The following RASGEF1A variants were observed in gnomAD, a reference collection of about 807,000 sequenced individuals.
RASGEF1A encodes ras-GEF domain-containing family member 1A.
Under a neutral mutation model 56.4 loss-of-function variants are expected in RASGEF1A, and 18 were observed. The ratio of observed to expected loss-of-function variants is 0.32; its 90% CI spans 0.22 to 0.47. The LOEUF (loss-of-function observed/expected upper bound fraction) is 0.47. Among genes scored for constraint, RASGEF1A ranks in the 20% least tolerant of loss-of-function variants. The pLI is 1.00. For missense variants in RASGEF1A, 422 were observed against 627.1 expected (o/e 0.67, Z 3.49); for synonymous variants, 245 against 242.6 (o/e 1.01, Z -0.09).
intron 1 of RASGEF1A, among the ~76,000 whole-genome samples, chr10:43,251,631 G>C (rs1276136215): frequency 2.6e-5 from 4 of 152,180 alleles, no homozygotes; most frequent in African/African-American, 9.7e-5. Context: ...GCAGTCAGGG[G>C]TGGCACAGTC....
rs748323851 is a variant in RASGEF1A at position 43,198,108 on chromosome 10, G to A, written c.1120C>T (p.Arg374Cys). Residue 374 changes from arginine to cysteine, a missense_variant, in exon 10 of 13, where the codon CGT (arginine) becomes TGT (cysteine). Around this residue, in one of 2 missense-constraint regions of RASGEF1A, gnomAD observed 149 missense variants for 287.2 expected, o/e 0.52. Transcript: ENST00000395810. ...AACACAGGGATGACGATCTTTTCAC[G>A]GCTGCTGTTGGCCATCTGGGACCTC... ...TQRSQMANSS[R>C]EKIVIPVFNL... 1.1e-5 allele frequency: 17 copies of A among 1,614,038 alleles called. No homozygotes were observed. The highest frequency in any genetic ancestry group is 2.2e-5 in the East Asian group (1 of 44,898).
At chr10:43,197,759 A>C (rs1839823383) in intron 10 of RASGEF1A, among the ~76,000 whole-genome samples, 1 of 152,146 alleles carries the variant, frequency 6.6e-6, no homozygotes, top group African/African-American at 2.4e-5. Flanking sequence ...CTGGATAAAT[A>C]CAATTCCCTG....
intron 1 of RASGEF1A, among the ~76,000 whole-genome samples, chr10:43,231,971 C>A (rs575683599): frequency 2.2e-4 from 33 of 152,368 alleles, no homozygotes; most frequent in African/African-American, 7.0e-4. Context: ...CCAGACACCT[C>A]CTTTAGGGGC....
chr10:43,206,997 C>T, intron 1 of RASGEF1A: 1 of 985,534 alleles, frequency 1.0e-6, no homozygotes, highest in Non-Finnish European at 1.2e-6. Context: ...CCACACCCTG[C>T]AGCTGGGAGT....
intron 3 of RASGEF1A, among the ~76,000 whole-genome samples, chr10:43,203,062 T>C (rs1588928973): frequency 3.1e-5 from 1 of 31,756 alleles, no homozygotes; most frequent in Non-Finnish European, 5.8e-5. Flanking sequence ...CGCCCAACCC[T>C]AGCCTTGACC....
intron 1 of RASGEF1A, among the ~76,000 whole-genome samples, chr10:43,237,303 C>T (rs1422073260): frequency 6.6e-6 from 1 of 152,134 alleles, no homozygotes; most frequent in African/African-American, 2.4e-5. Context: ...AGTACCTTCA[C>T]TCCTCCCCGA....
At chr10:43,212,193 C>A (rs1389396724) in intron 1 of RASGEF1A, among the ~76,000 whole-genome samples, 1 of 152,186 alleles carries the variant, frequency 6.6e-6, no homozygotes, top group Non-Finnish European at 1.5e-5. Context: ...CACAGAGCCT[C>A]CCCAGAGATG....
At chr10:43,206,169 G>T (rs1217303268) in intron 1 of RASGEF1A, 47 bp from the exon 2 acceptor site, 2 of 1,461,598 alleles carry the variant, frequency 1.4e-6, no homozygotes, top group African/African-American at 1.4e-5. Context: ...CGCCTCCACA[G>T]CTCCACAGAC....
At chr10:43,200,321 G>C in intron 5 of RASGEF1A, 65 bp from the exon 6 acceptor site, 1 of 1,404,102 alleles carries the variant, frequency 7.1e-7, no homozygotes, top group Non-Finnish European at 9.9e-7. Flanking sequence ...GCACTGCATA[G>C]GCATGCGGAC....
intron 1 of RASGEF1A, among the ~76,000 whole-genome samples, chr10:43,249,662 G>A (rs1840605182): frequency 6.6e-6 from 1 of 152,210 alleles, no homozygotes; most frequent in South Asian, 2.1e-4. Context: ...AGGCATCCTG[G>A]ACCCTGGCTG....
rs1364635288 is a variant in RASGEF1A, at chr10:43,210,059, C to T, written c.-6-3937G>A. On this transcript the variant is annotated intron_variant, in intron 1 of 12. Coordinates refer to ENST00000395810, the MANE Select transcript of RASGEF1A (RefSeq NM_145313.4). Reference sequence around the variant, plus strand: ...AGCAGATCTCAAGTTCCAGGCCAGGCCTGCTGGGTCACATCTGCTGCTGAG... The same window carrying T: ...AGCAGATCTCAAGTTCCAGGCCAGGTCTGCTGGGTCACATCTGCTGCTGAG... 2.0e-5 allele frequency among the ~76,000 whole-genome samples: 3 copies of T among 152,248 alleles called. No homozygotes were observed. In the East Asian group the frequency reaches 5.8e-4, roughly 29 times the overall value.
Position 43,198,039 on chromosome 10 carries a change from T to C in RASGEF1A, c.1189A>G (p.Thr397Ala), listed in dbSNP as rs745600285. The C allele has an allele frequency of 1.2e-6, 2 of 1,613,552 alleles. No individual in the cohort carries two copies. The highest frequency in any genetic ancestry group is 1.7e-5 in the Admixed American group (1 of 60,008). The change falls in exon 10 of 13, where the codon ACC (threonine) becomes GCC (alanine). Residue 397 changes from threonine (T) to alanine (A), a missense_variant. Physicochemically the swap from Thr to Ala is moderately conservative, Grantham distance 58. Transcript: ENST00000395810. ...KDIYFLHKIHTNHLPNGHINF... is the reference protein window; with the variant it reads ...KDIYFLHKIHANHLPNGHINF... ...ATGTGCCCGTTGGGCAGGTGGTTGG[T>C]ATGGATTTTGTGCAGGAAGTAGATG...
chr10:43,202,687 C>T lies in RASGEF1A; in HGVS notation c.321+611G>A, dbSNP rs772564372. On this transcript the variant is annotated intron_variant, in intron 3 of 12. Transcript: ENST00000395810. The stretch of plus-strand genomic sequence containing the variant: ...CAGCCCGCAACTCTGCAGCTTTCTT[C>T]GCCCACGCCGCACAGCCTCCAAACC... The T allele has an allele frequency of 1.0e-4, 48 of 459,516 alleles. 1 individual carries two copies. Among genetic ancestry groups the T allele is most frequent in the South Asian group, 4.5e-4 (29 of 63,784 alleles). 28.5% of individuals were successfully genotyped at this position (459,516 alleles called of 1,614,324 possible).
intron 1 of RASGEF1A, among the ~76,000 whole-genome samples, chr10:43,243,011 G>C (rs1175071930): frequency 6.6e-6 from 1 of 151,568 alleles, no homozygotes; most frequent in Non-Finnish European, 1.5e-5. Context: ...GATGTGAGGA[G>C]CCCCTCTGCC....
intron 1 of RASGEF1A, among the ~76,000 whole-genome samples, chr10:43,221,214 G>A (rs1263846817): frequency 5.3e-5 from 8 of 152,146 alleles, no homozygotes; most frequent in Admixed American, 2.0e-4. Flanking sequence ...GTTCGCTCCC[G>A]CCTCTCTTAT....
At chr10:43,239,762 C>T (rs1840479751) in intron 1 of RASGEF1A, among the ~76,000 whole-genome samples, 1 of 152,180 alleles carries the variant, frequency 6.6e-6, no homozygotes, top group Admixed American at 6.5e-5. Flanking sequence ...ATGGAGACCC[C>T]ACTTACAAGG....
chr10:43,221,794 C>A (rs1020740809), intron 1 of RASGEF1A, among the ~76,000 whole-genome samples: 2 of 152,256 alleles, frequency 1.3e-5, no homozygotes, highest in African/African-American at 4.8e-5. Context: ...GGGCCTCCCA[C>A]CTGCTGGGCC....
intron 1 of RASGEF1A, among the ~76,000 whole-genome samples, chr10:43,228,770 C>A (rs1414310898): frequency 6.6e-6 from 1 of 152,266 alleles, no homozygotes; most frequent in Non-Finnish European, 1.5e-5. Context: ...TGTTCCTCTG[C>A]TGTGTGGGCA....
rs375742457 is a variant in RASGEF1A, at chr10:43,207,592, C to T, written c.-6-1470G>A. ...AACGCAACCAAAGGCCCCACGATGA[C>T]GCTGGGTGGAATGTCCAGGCCCCCA... On this transcript the variant is annotated intron_variant, in intron 1 of 12. Coordinates refer to ENST00000395810, the MANE Select transcript of RASGEF1A (RefSeq NM_145313.4). The T allele has an allele frequency of 2.0e-5, 20 of 985,578 alleles. No homozygotes were observed. The East Asian group carries it at 7.9e-4, about 39-fold the overall frequency. The allele number at this position is 985,578 out of a possible 1,614,324, so 61.1% of individuals were successfully genotyped here.
Sources: gnomAD v4.1 joint callset for allele counts (sites outside exome capture counted in the v4.1 genomes callset) on GRCh38, gnomAD v4.1.1 for gene constraint, gnomAD v4.1.1 regional missense constraint, MANE v1.5 for transcripts, NCBI Gene and HGNC (gene_info 2026-07-23, HGNC 2026-07-21) for gene names.